COLQ: variants seen among roughly 807,000 people sequenced by gnomAD.
The protein encoded by COLQ is acetylcholinesterase collagenic tail peptide.
In COLQ, 48 loss-of-function variants were observed where a neutral mutation model predicts 69.0. The ratio of observed to expected loss-of-function variants is 0.70; its 90% CI spans 0.55 to 0.88. COLQ has a LOEUF of 0.88. COLQ is among the 40% of genes least tolerant of loss of function. COLQ has a pLI of 0.00. For missense variants in COLQ, 618 were observed against 594.6 expected, an observed-to-expected ratio of 1.04 and a Z score of -0.41; for synonymous variants, 217 against 211.2, an observed-to-expected ratio of 1.03 and a Z score of -0.24.
intron 1 of COLQ, among the ~76,000 whole-genome samples, chr3:15,500,323 G>A (rs1282860543): frequency 6.6e-6 from 1 of 152,308 alleles, no homozygotes; most frequent in East Asian, 1.9e-4. Flanking sequence ...AGAAGTATCT[G>A]CATCACATTT....
intron 14 of COLQ, 92 bp from the exon 15 acceptor site, chr3:15,456,111 C>G (rs1387571356): frequency 2.7e-6 from 4 of 1,468,280 alleles, no homozygotes; most frequent in Non-Finnish European, 3.8e-6. Context: ...AAAGGCACTG[C>G]TGGGGGGCAT....
intron 1 of COLQ, among the ~76,000 whole-genome samples, chr3:15,509,877 A>C (rs1481666444): frequency 6.6e-6 from 1 of 152,182 alleles, no homozygotes; most frequent in Non-Finnish European, 1.5e-5. Flanking sequence ...TCAGCACCGA[A>C]TAAGAGCAGA....
In COLQ at chr3:15,473,746, A is replaced by C. The variant is rs946624852; in HGVS notation, c.636+254T>G. 6.6e-6 allele frequency among the ~76,000 whole-genome samples: 1 copy of C among 152,092 alleles called. No individual in the cohort carries two copies. The highest frequency in any genetic ancestry group is 2.4e-5 in the African/African-American group (1 of 41,426). ...AGGAAAAGCAAAAAAGCAAAAAAACAAACAAACAAACAAAAACCCAAAACC... is the reference window on the plus strand; with the variant it reads ...AGGAAAAGCAAAAAAGCAAAAAAACCAACAAACAAACAAAAACCCAAAACC... On this transcript the variant is annotated intron_variant, in intron 10 of 16. Transcript: ENST00000383788. The surrounding 1 kb of genome is among the most constrained non-coding windows in gnomAD (Gnocchi z 4.0).
At chr3:15,491,551 A>G (rs1488631287) in intron 1 of COLQ, among the ~76,000 whole-genome samples, 1 of 152,212 alleles carries the variant, frequency 6.6e-6, no homozygotes, top group Non-Finnish European at 1.5e-5. Context: ...CTCCGTGCAC[A>G]CACACTCGCT....
At chr3:15,489,358 C>T (rs769364707) in intron 2 of COLQ, among the ~76,000 whole-genome samples, 167 bp downstream of exon 2, 2 of 152,328 alleles carry the variant, frequency 1.3e-5, no homozygotes, top group African/African-American at 4.8e-5. Context: ...CCAGGAACTG[C>T]AAAATGTCCA....
intron 2 of COLQ, 63 bp downstream of exon 2, chr3:15,489,462 G>A: frequency 6.8e-7 from 1 of 1,472,654 alleles, no homozygotes; most frequent in African/African-American, 1.4e-5. Context: ...GGCAGGTGGG[G>A]CTGCGTGGTG....
rs754480859 is a variant in COLQ, at chr3:15,455,818, CA to C, written c.1195+80del. On this transcript the variant is annotated intron_variant, in intron 15 of 16. Coordinates refer to ENST00000383788, the MANE Select transcript of COLQ (RefSeq NM_005677.4). ...GCTCTAGAAAGGTCCCAAAGCACCA[CA>C]GCTGGTGTCCAGGGCTGGCCCTGAG... 1.6e-5 allele frequency: 25 copies of C among 1,588,882 alleles called. No individual in the cohort carries two copies. In the South Asian group the frequency reaches 2.3e-4, roughly 15 times the overall value.
intron 1 of COLQ, among the ~76,000 whole-genome samples, chr3:15,502,054 GA>G (rs1295517531): frequency 2.0e-5 from 3 of 151,320 alleles, no homozygotes; most frequent in African/African-American, 7.3e-5. Context: ...GAGTCTTGTA[GA>G]AGACTAATCT....
At chr3:15,495,307 G>T (rs964302271) in intron 1 of COLQ, among the ~76,000 whole-genome samples, 1 of 152,192 alleles carries the variant, frequency 6.6e-6, no homozygotes, top group Non-Finnish European at 1.5e-5. Flanking sequence ...TCCTAGGGTT[G>T]GGGATTTTGC....
intron 1 of COLQ, among the ~76,000 whole-genome samples, chr3:15,520,957 G>A (rs1390028932): frequency 6.6e-6 from 1 of 152,166 alleles, no homozygotes; most frequent in Non-Finnish European, 1.5e-5. Flanking sequence ...AGGAAGACAG[G>A]TCTGGAGAAA....
chr3:15,509,007 A>G (rs1381088211), intron 1 of COLQ, among the ~76,000 whole-genome samples: 1 of 152,058 alleles, frequency 6.6e-6, no homozygotes, highest in African/African-American at 2.4e-5. Context: ...AAAAAATTAC[A>G]TACATAATAA....
rs774415805 is a variant in COLQ at position 15,521,601 on chromosome 3, A to T, written c.25T>A (p.Leu9Met). 1 of 1,614,006 alleles carries T rather than the reference A, an allele frequency of 6.2e-7. No individual in the cohort carries two copies. Among genetic ancestry groups the T allele is most frequent in the African/African-American group, 1.3e-5 (1 of 74,898 alleles). Residue 9 changes from leucine (L) to methionine (M), a missense_variant, in exon 1 of 17, where the codon TTG becomes ATG. Leu to Met is a conservative substitution (Grantham distance 15). Transcript: ENST00000383788. Reference sequence around the variant, plus strand: ...AAGAAAAGCTGAAGATAAATTCCCAAAGTCATTGGATTCAGGACAACCATG... The same window carrying T: ...AAGAAAAGCTGAAGATAAATTCCCATAGTCATTGGATTCAGGACAACCATG... MVVLNPMT[L>M]GIYLQLFFLS...
intron 1 of COLQ, chr3:15,506,568 T>C (rs1309106777): frequency 6.6e-6 from 1 of 152,204 alleles, no homozygotes; most frequent in Non-Finnish European, 1.5e-5. Context: ...TTACTTGTAA[T>C]ATTCTATTAT....
rs572898710 is a variant in COLQ at position 15,519,806 on chromosome 3, C to T, written c.106+1714G>A. Among the ~76,000 whole-genome samples the T allele has an allele frequency of 3.1e-4, 47 of 152,312 alleles. 1 individual carries two copies. The highest frequency in any genetic ancestry group is 3.4e-3 in the Middle Eastern group (1 of 294). On this transcript the variant is annotated intron_variant, in intron 1 of 16. Coordinates refer to ENST00000383788, the MANE Select transcript of COLQ (RefSeq NM_005677.4). ...CTTTTCTCTCTAGTTTTCTGAACTC[C>T]TTAACCACTTTGGTGCTATTTAAAT... is the stretch of plus-strand genomic sequence containing the variant.
In COLQ at chr3:15,451,545, A is replaced by AAGG. The variant is rs2061941312; in HGVS notation, c.*96_*98dup. The AAGG allele has an allele frequency of 9.0e-7, 1 of 1,112,998 alleles. No homozygotes were observed. Among genetic ancestry groups the AAGG allele is most frequent in the Non-Finnish European group, 1.4e-6 (1 of 722,528 alleles). 68.9% of individuals were successfully genotyped at this position (1,112,998 alleles called of 1,614,324 possible). ...AATTTGTCCTTGTTTTTGTCACACA[A>AAGG]AGGTTGGTGGAGACGGGGCCAGGAC... On this transcript the variant is annotated 3_prime_UTR_variant, in exon 17 of 17. Coordinates refer to ENST00000383788, the MANE Select transcript of COLQ (RefSeq NM_005677.4).
chr3:15,495,309 G>A (rs1428790843), intron 1 of COLQ, among the ~76,000 whole-genome samples: 1 of 152,160 alleles, frequency 6.6e-6, no homozygotes, highest in Admixed American at 6.5e-5. Context: ...CTAGGGTTGG[G>A]GATTTTGCTA....
At position 15,466,543 on chromosome 3, in the gene COLQ, C is replaced by T. The variant is rs2125103809; in HGVS notation, c.718-106G>A. 7 of 907,010 alleles carry T rather than the reference C, an allele frequency of 7.7e-6. No homozygotes were observed. The South Asian group carries it at 8.6e-5, about 11-fold the overall frequency. 56.2% of individuals were successfully genotyped at this position (907,010 alleles called of 1,614,324 possible). A position where few individuals can be genotyped will look rare whatever the true frequency, so the allele number is the denominator to read the frequency against. On this transcript the variant is annotated intron_variant, in intron 11 of 16. Coordinates refer to ENST00000383788, the MANE Select transcript of COLQ (RefSeq NM_005677.4). ...CACCTTGCACTTAAGGAGCAAGAGC[C>T]CAGTGGGGGATGCAGCTCCAGAGGT... is the stretch of plus-strand genomic sequence containing the variant.
At chr3:15,519,636 G>T (rs2063108814) in intron 1 of COLQ, among the ~76,000 whole-genome samples, 1 of 152,124 alleles carries the variant, frequency 6.6e-6, no homozygotes, top group Non-Finnish European at 1.5e-5. Flanking sequence ...CCTTCATTCA[G>T]ATCTTTTCAT....
chr3:15,483,524 T>C (rs1334457067), intron 3 of COLQ, among the ~76,000 whole-genome samples: 2 of 152,238 alleles, frequency 1.3e-5, no homozygotes, highest in African/African-American at 2.4e-5. Context: ...TGAGTGGTTT[T>C]GAGTGAGTTT....
Sources: allele counts gnomAD v4.1 joint callset (sites outside exome capture counted in the v4.1 genomes callset), GRCh38; gene constraint gnomAD v4.1.1; non-coding constraint Gnocchi (gnomAD v3.1); transcripts MANE v1.5; gene names NCBI Gene and HGNC (gene_info 2026-07-23, HGNC 2026-07-21).